FAM20A: variants seen among roughly 807,000 people sequenced by gnomAD.
FAM20A encodes the protein pseudokinase FAM20A.
A neutral mutation model predicts 52.0 loss-of-function variants in FAM20A; 42 were observed. The ratio of observed to expected loss-of-function variants is 0.81; its 90% CI spans 0.63 to 1.04. The LOEUF is 1.04. Ranked by LOEUF, FAM20A falls within the 50% of genes least tolerant of loss-of-function variation. The probability of loss-of-function intolerance (pLI) is 0.00; values close to 1 mark genes in which losing one functional copy is unlikely to be tolerated. For synonymous variants in FAM20A, 304 were observed against 298.9 expected (o/e 1.02, Z -0.18); for missense variants, 742 against 712.7 (o/e 1.04, Z -0.47).
intron 10 of FAM20A, among the ~76,000 whole-genome samples, chr17:68,538,350 G>A (rs1223518951): frequency 6.6e-6 from 1 of 152,246 alleles, no homozygotes; most frequent in African/African-American, 2.4e-5. Context: ...GGCAGGGAAG[G>A]GAGGCCAGAG....
At position 68,553,993 on chromosome 17, in the gene FAM20A, T is replaced by C. The variant is rs183707926; in HGVS notation, c.640+784A>G. 1.3e-3 allele frequency among the ~76,000 whole-genome samples: 189 copies of C among 142,308 alleles called. 1 individual carries two copies. Among genetic ancestry groups the C allele is most frequent in the Middle Eastern group, 3.6e-3 (1 of 274 alleles). 93.4% of individuals were successfully genotyped at this position (142,308 alleles called of 152,430 possible). A position where few individuals can be genotyped will look rare whatever the true frequency, so the allele number is the denominator to read the frequency against. On this transcript the variant is annotated intron_variant, in intron 3 of 10. Coordinates refer to ENST00000592554, the MANE Select transcript of FAM20A (RefSeq NM_017565.4). ...ATATACACACATGCATATATACATA[T>C]ACACACATATATGCATATATACATA...
rs549043925 is a variant in FAM20A, at chr17:68,557,953, G to A, written c.405-2210C>T. ...TGAAGCACTCTCACTCCATGATTAT[G>A]CTGCGTTGATGGCATTGTTGAATTT... is the stretch of plus-strand genomic sequence containing the variant. On this transcript the variant is annotated intron_variant, in intron 1 of 10. Transcript: ENST00000592554. Among the ~76,000 whole-genome samples, 3 of 152,284 alleles carry A rather than the reference G, an allele frequency of 2.0e-5. 1 individual carries two copies. The highest frequency in any genetic ancestry group is 7.2e-5 in the African/African-American group (3 of 41,564).
intron 4 of FAM20A, among the ~76,000 whole-genome samples, chr17:68,550,781 C>T (rs2086801004): frequency 6.6e-6 from 1 of 152,208 alleles, no homozygotes; most frequent in Non-Finnish European, 1.5e-5. Flanking sequence ...GAGGGTGGGA[C>T]TCAGGCATAA....
intron 1 of FAM20A, among the ~76,000 whole-genome samples, chr17:68,579,985 T>C (rs1291905764): frequency 6.7e-6 from 1 of 148,770 alleles, no homozygotes; most frequent in East Asian, 2.1e-4. Flanking sequence ...GGATGTGTCT[T>C]TTGATTTAAT....
At chr17:68,541,796 T>G in intron 7 of FAM20A, 189 bp downstream of exon 7, 1 of 648,508 alleles carries the variant, frequency 1.5e-6, no homozygotes, top group Non-Finnish European at 2.6e-6. Context: ...GAAGGTTCTT[T>G]AGAACTGAAT....
intron 1 of FAM20A, among the ~76,000 whole-genome samples, chr17:68,580,671 G>A (rs2087918483): frequency 1.3e-5 from 2 of 152,186 alleles, no homozygotes; most frequent in South Asian, 2.1e-4. Flanking sequence ...CTTCTGCCTT[G>A]GTGAGCAAAA....
intron 1 of FAM20A, among the ~76,000 whole-genome samples, chr17:68,595,587 G>A (rs2088430838): frequency 6.6e-6 from 1 of 152,164 alleles, no homozygotes; most frequent in African/African-American, 2.4e-5. Context: ...ACCACACACG[G>A]GCCGTGGTTG....
At chr17:68,598,456 G>T (rs770536086) in intron 1 of FAM20A, among the ~76,000 whole-genome samples, 2 of 152,146 alleles carry the variant, frequency 1.3e-5, no homozygotes, top group African/African-American at 2.4e-5. Context: ...GGGTCCTCCT[G>T]TTGTGGCCCA....
At chr17:68,569,423 T>C (rs949158279) in intron 1 of FAM20A, among the ~76,000 whole-genome samples, 1 of 152,206 alleles carries the variant, frequency 6.6e-6, no homozygotes, top group Non-Finnish European at 1.5e-5. Flanking sequence ...ACCAGAATGA[T>C]TGCTTTTTCA....
intron 1 of FAM20A, among the ~76,000 whole-genome samples, chr17:68,561,610 T>A (rs1283471680): frequency 7.1e-6 from 1 of 140,674 alleles, no homozygotes; most frequent in Middle Eastern, 3.8e-3. Context: ...TTTTTTTTTT[T>A]AAAGAGTTTT....
intron 6 of FAM20A, 39 bp from the exon 7 acceptor site, chr17:68,542,204 G>T (rs888911391): frequency 6.2e-7 from 1 of 1,608,742 alleles, no homozygotes; most frequent in Non-Finnish European, 8.5e-7. Context: ...TAAGTGGAGG[G>T]CTCTGGAGGC....
At position 68,537,294 on chromosome 17, in the gene FAM20A, G is replaced by A. The variant is rs1309609163; in HGVS notation, c.*183C>T. The A allele has an allele frequency of 1.0e-5, 8 of 799,076 alleles. No individual in the cohort carries two copies. The highest frequency in any genetic ancestry group is 2.0e-5 in the Admixed American group (1 of 50,100). The allele number at this position is 799,076 out of a possible 1,614,324, so 49.5% of individuals were successfully genotyped here. On this transcript the variant is annotated 3_prime_UTR_variant, in exon 11 of 11. Transcript: ENST00000592554. This position sits in a 1 kb window ranked among gnomAD's most constrained non-coding sequence, Gnocchi z 4.2. ...GAGCAAGGCAACGCACGACAGAAGC[G>A]GTGCACCAAGGAGTAAAGATTCAGT...
intron 4 of FAM20A, among the ~76,000 whole-genome samples, chr17:68,547,899 G>A (rs1213121718): frequency 6.6e-6 from 1 of 151,974 alleles, no homozygotes; most frequent in African/African-American, 2.4e-5. Context: ...GGCTTTCAAC[G>A]TGCCTTCCTT....
Position 68,562,115 on chromosome 17 carries a change from C to T in FAM20A, c.405-6372G>A, listed in dbSNP as rs529501486. Among the ~76,000 whole-genome samples, 28 of 152,346 alleles carry T rather than the reference C, an allele frequency of 1.8e-4. No homozygotes were observed. In the South Asian group the frequency reaches 4.1e-3, roughly 23 times the overall value. On this transcript the variant is annotated intron_variant, in intron 1 of 10. Transcript: ENST00000592554. ...CTGGGATTACAGGCATAAGCCACCACGCCCGGCCCCCAGTACCTTTCAAAA... is the reference window on the plus strand; with the variant it reads ...CTGGGATTACAGGCATAAGCCACCATGCCCGGCCCCCAGTACCTTTCAAAA...
At chr17:68,546,195 A>G (rs9789015) in intron 4 of FAM20A, among the ~76,000 whole-genome samples, 85,491 of 139,438 alleles carry the variant, frequency 0.61, 27,786 homozygotes, top group East Asian at 0.87. Flanking sequence ...AAAAAAAAAA[A>G]GCAGCAACTC....
chr17:68,589,620 G>T (rs1422304292), intron 1 of FAM20A, among the ~76,000 whole-genome samples: 1 of 151,994 alleles, frequency 6.6e-6, no homozygotes, highest in Non-Finnish European at 1.5e-5. Context: ...AGAAAGGAAG[G>T]AAGTTTACTC....
At chr17:68,572,444 T>C (rs2087590721) in intron 1 of FAM20A, among the ~76,000 whole-genome samples, 1 of 152,202 alleles carries the variant, frequency 6.6e-6, no homozygotes, top group African/African-American at 2.4e-5. Flanking sequence ...TTGATTCTTC[T>C]AACCAGTTTC....
rs752731065 is a variant in FAM20A at position 68,537,701 on chromosome 17, G to C, written c.1402C>G (p.Gln468Glu). The C allele has an allele frequency of 5.6e-6, 9 of 1,613,588 alleles. No homozygotes were observed. Among genetic ancestry groups the C allele is most frequent in the Non-Finnish European group, 7.6e-6 (9 of 1,179,808 alleles). The change falls in exon 11 of 11, where the codon CAA (glutamine) becomes GAA (glutamate). Residue 468 changes from glutamine to glutamate, a missense_variant. Physicochemically the swap from Gln to Glu is conservative, Grantham distance 29. Coordinates refer to ENST00000592554, the MANE Select transcript of FAM20A (RefSeq NM_017565.4). The surrounding 1 kb of genome is among the most constrained non-coding windows in gnomAD (Gnocchi z 4.2). ...ACATCGCTGAGTCTGTAGTCAGCTT[G>C]GGCCAGCAGCTGCAGGTGCAAAAGT... ...KTLLHLQLLA[Q>E]ADYRLSDVMR...
At position 68,555,681 on chromosome 17, in the gene FAM20A, C is replaced by A. The variant is rs146809464; in HGVS notation, c.467G>T (p.Arg156Leu). Residue 156 changes from arginine to leucine, a missense_variant, in exon 2 of 11, where the codon CGA becomes CTA. Coordinates refer to ENST00000592554, the MANE Select transcript of FAM20A (RefSeq NM_017565.4). ...GAACTGGACCCAGCTGGCCTCGAGT[C>A]GGAGCTGCAGTGGGGGGTCCAGGGA... is the stretch of plus-strand genomic sequence containing the variant. ...LTSLDPPLQL[R>L]LEASWVQFHL... The A allele has an allele frequency of 6.2e-7, 1 of 1,613,864 alleles. No individual in the cohort carries two copies. Among genetic ancestry groups the A allele is most frequent in the Non-Finnish European group, 8.5e-7 (1 of 1,180,018 alleles).
Sources: allele counts gnomAD v4.1 joint callset (sites outside exome capture counted in the v4.1 genomes callset), GRCh38; gene constraint gnomAD v4.1.1; non-coding constraint Gnocchi (gnomAD v3.1); transcripts MANE v1.5; gene names NCBI Gene and HGNC (gene_info 2026-07-23, HGNC 2026-07-21).